SMC3: variants seen among roughly 807,000 people sequenced by gnomAD.
SMC3 encodes structural maintenance of chromosomes 3.
SMC3 carries 20 observed loss-of-function variants against 171.8 expected under a neutral mutation model. The ratio of observed to expected loss-of-function variants is 0.12; its 90% confidence interval spans 0.08 to 0.17. The LOEUF (loss-of-function observed/expected upper bound fraction) is 0.17. Among genes scored for constraint, SMC3 ranks in the 10% least tolerant of loss-of-function variants. The probability of loss-of-function intolerance (pLI) is 1.00; values close to 1 mark genes in which losing one functional copy is unlikely to be tolerated. For missense variants in SMC3, 543 were observed against 1,420.4 expected, an observed-to-expected ratio of 0.38 and a Z score of 9.93; for synonymous variants, 464 against 451.1, an observed-to-expected ratio of 1.03 and a Z score of -0.36.
intron 2 of SMC3, among the ~76,000 whole-genome samples, chr10:110,570,128 G>A (rs1316687668): frequency 6.6e-6 from 1 of 152,134 alleles, no homozygotes; most frequent in Non-Finnish European, 1.5e-5. Context: ...CCTGGCTTAT[G>A]GACAGCTGCT....
chr10:110,573,151 T>C (rs1383138134), intron 2 of SMC3, among the ~76,000 whole-genome samples: 2 of 152,196 alleles, frequency 1.3e-5, no homozygotes, highest in East Asian at 3.8e-4. Context: ...AAAATTTCAC[T>C]AAACACACTT....
At chr10:110,594,181 ATTTTT>A (rs1010063955) in intron 18 of SMC3, among the ~76,000 whole-genome samples, 1 of 146,636 alleles carries the variant, frequency 6.8e-6, no homozygotes, top group Non-Finnish European at 1.5e-5. Context: ...ATCCTTCACA[ATTTTT>A]TTTTTAATTT....
chr10:110,586,548 A>C (rs1189732551), intron 13 of SMC3, among the ~76,000 whole-genome samples: 2 of 152,142 alleles, frequency 1.3e-5, no homozygotes, highest in Non-Finnish European at 2.9e-5. Context: ...GTCATGCTTG[A>C]AGTTCATTAT....
chr10:110,573,551 T>A (rs1860904299), intron 2 of SMC3, among the ~76,000 whole-genome samples, 156 bp from the exon 3 acceptor site: 1 of 101,488 alleles, frequency 9.9e-6, no homozygotes, highest in Non-Finnish European at 2.0e-5. Context: ...TGATTATAGT[T>A]GTTTTATTGG....
chr10:110,598,580 G>C (rs1861336876), intron 20 of SMC3, among the ~76,000 whole-genome samples: 2 of 151,914 alleles, frequency 1.3e-5, no homozygotes, highest in African/African-American at 4.8e-5. Context: ...CTAATTTTGT[G>C]TTTTTAGTAG....
intron 25 of SMC3, 125 bp downstream of exon 25, chr10:110,602,303 C>G (rs1056473513): frequency 1.4e-5 from 14 of 993,830 alleles, no homozygotes; most frequent in East Asian, 2.6e-5. Context: ...GTGAACAAAC[C>G]TAGCATATAG....
intron 19 of SMC3, among the ~76,000 whole-genome samples, chr10:110,597,399 G>A (rs7080048): frequency 0.052 from 7,909 of 152,124 alleles, 665 homozygotes; most frequent in African/African-American, 0.18. Context: ...CTTTATGTGT[G>A]CTTTCCATTT....
At chr10:110,583,738 C>T in intron 11 of SMC3, 103 bp from the exon 12 acceptor site, 2 of 1,311,986 alleles carry the variant, frequency 1.5e-6, no homozygotes, top group Non-Finnish European at 1.1e-6. Context: ...TTTCATGTTA[C>T]AGGTGGGTTT....
At chr10:110,575,104 T>A (rs925436043) in intron 3 of SMC3, among the ~76,000 whole-genome samples, 1 of 152,162 alleles carries the variant, frequency 6.6e-6, no homozygotes, top group African/African-American at 2.4e-5. Flanking sequence ...CTTTATTTCC[T>A]TACCTTAAAT....
chr10:110,583,243 ATT>A (rs1861059491), intron 10 of SMC3, 139 bp from the exon 11 acceptor site: 7 of 708,478 alleles, frequency 9.9e-6, no homozygotes, highest in Non-Finnish European at 1.7e-5. Context: ...TTATGGAATG[ATT>A]ACACAAGGGA....
rs189221243 is a variant in SMC3, at chr10:110,578,555, G to C, written c.351-73G>C. ...TTCCTCCCTAATGCTATCAACCAAG[G>C]GGCTACTCTACTCATTGCTTAATGG... On this transcript the variant is annotated intron_variant, in intron 6 of 28. Transcript: ENST00000361804. The C allele has an allele frequency of 1.1e-4, 112 of 1,039,542 alleles. 1 individual carries two copies. The highest frequency in any genetic ancestry group is 5.7e-4 in the Admixed American group (29 of 50,466). 64.4% of individuals were successfully genotyped at this position (1,039,542 alleles called of 1,614,324 possible).
intron 6 of SMC3, 93 bp from the exon 7 acceptor site, chr10:110,578,535 C>T: frequency 1.2e-6 from 1 of 847,038 alleles, no homozygotes; most frequent in South Asian, 1.4e-5. Context: ...GATCTTTCCT[C>T]CCTAATGCTA....
rs1240653420 is a variant in SMC3 at position 110,598,164 on chromosome 10, G to T, written c.2142G>T (p.Leu714Phe). ...IERINNEIDQ[L>F]MNQMQQIETQ... ...GGATTAATAATGAAATTGATCAGTT[G>T]ATGAACCAAATGCAACAGATCGAGA... The change falls in exon 20 of 29, where the codon TTG (leucine) becomes TTT (phenylalanine). Residue 714 changes from leucine to phenylalanine, a missense_variant. Physicochemically the swap from Leu to Phe is conservative, Grantham distance 22. Coordinates refer to ENST00000361804, the MANE Select transcript of SMC3 (RefSeq NM_005445.4). The T allele has an allele frequency of 6.2e-7, 1 of 1,613,828 alleles. No individual in the cohort carries two copies. Among genetic ancestry groups the T allele is most frequent in the Admixed American group, 1.7e-5 (1 of 60,018 alleles).
At chr10:110,570,152 C>T (rs1484364649) in intron 2 of SMC3, among the ~76,000 whole-genome samples, 2 of 152,198 alleles carry the variant, frequency 1.3e-5, no homozygotes, top group African/African-American at 4.8e-5. Context: ...TTGCTGTGTG[C>T]TCACATGGCC....
intron 7 of SMC3, among the ~76,000 whole-genome samples, chr10:110,579,155 C>A (rs1436052478): frequency 2.0e-5 from 3 of 152,168 alleles, no homozygotes; most frequent in Admixed American, 6.5e-5. Flanking sequence ...TTTTCAGCAG[C>A]CAAACTACAA....
At chr10:110,591,237 G>T (rs1329010933) in intron 17 of SMC3, 105 bp downstream of exon 17, 3 of 1,123,966 alleles carry the variant, frequency 2.7e-6, no homozygotes, top group Non-Finnish European at 3.9e-6. Flanking sequence ...GGATTCAGTG[G>T]TGTATGAGAT....
chr10:110,580,854 C>A, intron 7 of SMC3, 50 bp from the exon 8 acceptor site: 1 of 997,962 alleles, frequency 1.0e-6, no homozygotes, highest in Non-Finnish European at 1.6e-6. Context: ...AGTTCTTCTT[C>A]TTAAACGGAG....
chr10:110,601,628 C>T lies in SMC3; in HGVS notation c.2645-9C>T, dbSNP rs771491220. The T allele has an allele frequency of 6.2e-7, 1 of 1,610,046 alleles. No individual in the cohort carries two copies. Among genetic ancestry groups the T allele is most frequent in the Non-Finnish European group, 8.5e-7 (1 of 1,179,524 alleles). On this transcript the variant is annotated splice_polypyrimidine_tract_variant and intron_variant, in intron 23 of 28. Transcript: ENST00000361804. ...TATTATAGCCTAATTTTGTTTCCCC[C>T]CATCTTAGATTTGGACAATTCCATT...
chr10:110,572,170 A>G (rs1183421312), intron 2 of SMC3, among the ~76,000 whole-genome samples: 1 of 152,146 alleles, frequency 6.6e-6, no homozygotes, highest in Admixed American at 6.5e-5. Flanking sequence ...TATCATTTCC[A>G]CTTTTTACAC....
Sources: allele counts gnomAD v4.1 joint callset (sites outside exome capture counted in the v4.1 genomes callset), GRCh38; gene constraint gnomAD v4.1.1; transcripts MANE v1.5; gene names NCBI Gene and HGNC (gene_info 2026-07-23, HGNC 2026-07-21).